Variants in TMEM117 observed in about 807,000 individuals in gnomAD.
TMEM117 encodes transmembrane protein 117.
A neutral mutation model predicts 52.4 loss-of-function variants in TMEM117; 27 were observed. The ratio of observed to expected loss-of-function variants is 0.51; its 90% CI spans 0.38 to 0.71. TMEM117 has a LOEUF of 0.71. Among genes scored for constraint, TMEM117 ranks in the 30% least tolerant of loss-of-function variants. The pLI, the probability that TMEM117 is intolerant of heterozygous loss-of-function variation, is 0.00. For synonymous variants in TMEM117, 215 were observed against 206.3 expected (o/e 1.04, Z -0.36); for missense variants, 556 against 630.5 (o/e 0.88, Z 1.26).
At chr12:44,211,944 G>A (rs1317450437) in intron 5 of TMEM117, among the ~76,000 whole-genome samples, 1 of 152,208 alleles carries the variant, frequency 6.6e-6, no homozygotes, top group Admixed American at 6.6e-5. Flanking sequence ...AGAAAAGATA[G>A]GAATGGAGAG....
At chr12:44,038,180 C>T (rs1946740390) in intron 3 of TMEM117, among the ~76,000 whole-genome samples, 2 of 152,158 alleles carry the variant, frequency 1.3e-5, no homozygotes, top group African/African-American at 4.8e-5. Context: ...CTGAAGCATG[C>T]CCCTTGCTTG....
At chr12:44,043,808 A>G (rs1946838534) in intron 3 of TMEM117, among the ~76,000 whole-genome samples, 1 of 152,226 alleles carries the variant, frequency 6.6e-6, no homozygotes, top group African/African-American at 2.4e-5. Context: ...ATAAACAGAA[A>G]TCTGGAGAAC....
At chr12:44,151,587 T>C (rs1395199241) in intron 4 of TMEM117, among the ~76,000 whole-genome samples, 1 of 144,236 alleles carries the variant, frequency 6.9e-6, no homozygotes, top group Non-Finnish European at 1.5e-5. Context: ...TTATCCACCA[T>C]TTACCTGAAG....
intron 3 of TMEM117, among the ~76,000 whole-genome samples, chr12:44,067,944 T>A (rs1243411755): frequency 6.6e-6 from 1 of 152,242 alleles, no homozygotes; most frequent in African/African-American, 2.4e-5. Flanking sequence ...TGTAGCCATT[T>A]TCATCAGTGA....
chr12:43,844,555 G>C, intron 1 of TMEM117, 69 bp from the exon 2 acceptor site: 1 of 1,354,870 alleles, frequency 7.4e-7, no homozygotes, highest in East Asian at 2.3e-5. Flanking sequence ...TTATAAACCT[G>C]AACTGATAAA....
intron 2 of TMEM117, among the ~76,000 whole-genome samples, chr12:43,889,085 C>CTT (rs111561510): frequency 9.2e-5 from 13 of 140,664 alleles, no homozygotes; most frequent in African/African-American, 3.1e-4. Context: ...GCGTTGGATT[C>CTT]TTTTTTTTTT....
chr12:44,080,144 A>G (rs1947457956), intron 3 of TMEM117, among the ~76,000 whole-genome samples: 1 of 152,126 alleles, frequency 6.6e-6, no homozygotes, highest in African/African-American at 2.4e-5. Context: ...TTCTTTTCTC[A>G]TGTTTTATTA....
intron 3 of TMEM117, among the ~76,000 whole-genome samples, chr12:44,064,076 G>A (rs909139448): frequency 2.6e-5 from 4 of 151,990 alleles, no homozygotes; most frequent in Admixed American, 1.3e-4. Context: ...ACCAATTCTG[G>A]AGAGAGACCT....
intron 2 of TMEM117, among the ~76,000 whole-genome samples, chr12:43,918,939 A>G (rs1404499505): frequency 6.6e-6 from 1 of 152,184 alleles, no homozygotes; most frequent in East Asian, 1.9e-4. Flanking sequence ...AAAATTATCT[A>G]CTATATACTC....
chr12:43,805,710 G>A, the TMEM117 span: 8 of 980,002 alleles, frequency 8.2e-6, no homozygotes, highest in African/African-American at 1.2e-4. Flanking sequence ...CCTATTTGGA[G>A]AGAAAATGCG....
chr12:44,093,124 G>A (rs1050275262), intron 3 of TMEM117, among the ~76,000 whole-genome samples: 11 of 152,154 alleles, frequency 7.2e-5, no homozygotes, highest in African/African-American at 2.7e-4. Context: ...CTCCGAATCC[G>A]TAAGAACGCT....
intron 3 of TMEM117, among the ~76,000 whole-genome samples, chr12:44,142,567 A>G (rs1948585700): frequency 1.3e-5 from 2 of 152,186 alleles, no homozygotes; most frequent in Non-Finnish European, 2.9e-5. Flanking sequence ...ATCATTATCT[A>G]TTGGATGTAT....
chr12:43,804,837 T>A, the TMEM117 span, among the ~76,000 whole-genome samples: 1 of 152,254 alleles, frequency 6.6e-6, no homozygotes, highest in East Asian at 1.9e-4. Flanking sequence ...GGGGTGAATA[T>A]ACTGAAGTTA....
At chr12:44,180,718 G>A (rs1949184698) in intron 4 of TMEM117, among the ~76,000 whole-genome samples, 1 of 152,028 alleles carries the variant, frequency 6.6e-6, no homozygotes, top group Non-Finnish European at 1.5e-5. Flanking sequence ...ATTCCATGGT[G>A]TAATGTGCCA....
Position 43,891,661 on chromosome 12 carries a change from C to A in TMEM117, c.277+46733C>A, listed in dbSNP as rs149164650. 7.6e-3 allele frequency among the ~76,000 whole-genome samples: 1,158 copies of A among 152,150 alleles called. 12 individuals are homozygous for A. Among genetic ancestry groups the A allele is most frequent in the African/African-American group, 0.025 (1,054 of 41,512 alleles). ...GATTACAGGCATGAGCCACTGCGCCCAGCCAGAAATACCTCTTGAATTTTT... is the reference window on the plus strand; with the variant it reads ...GATTACAGGCATGAGCCACTGCGCCAAGCCAGAAATACCTCTTGAATTTTT... On this transcript the variant is annotated intron_variant, in intron 2 of 7. Transcript: ENST00000266534.
intron 3 of TMEM117, chr12:44,083,535 T>A (rs1947518911): frequency 6.6e-6 from 1 of 151,700 alleles, no homozygotes. Context: ...CTTGAGTAGC[T>A]GGGAGTACAG....
intron 3 of TMEM117, among the ~76,000 whole-genome samples, chr12:43,961,319 T>A (rs1945399184): frequency 2.0e-5 from 3 of 152,198 alleles, no homozygotes; most frequent in Admixed American, 6.5e-5. Context: ...ATGACCTAAT[T>A]TATGGCAATA....
the TMEM117 span, chr12:43,800,631 CA>C: frequency 1.2e-6 from 1 of 861,652 alleles, no homozygotes; most frequent in Non-Finnish European, 1.8e-6. Context: ...ACATTAAAAA[CA>C]AAACTGAGCT....
chr12:43,963,113 A>G (rs1245194654), intron 3 of TMEM117, among the ~76,000 whole-genome samples: 2 of 151,598 alleles, frequency 1.3e-5, no homozygotes, highest in South Asian at 2.1e-4. Flanking sequence ...ATGTTGCGTC[A>G]ATATTTGATT....
Sources: allele counts gnomAD v4.1 joint callset (sites outside exome capture counted in the v4.1 genomes callset), GRCh38; gene constraint gnomAD v4.1.1; transcripts MANE v1.5; gene names NCBI Gene and HGNC (gene_info 2026-07-23, HGNC 2026-07-21).